BNC2: variants seen among roughly 807,000 people sequenced by gnomAD.
BNC2 encodes zinc finger protein basonuclin-2.
In BNC2, 20 loss-of-function variants were observed where a neutral mutation model predicts 76.3. That is an observed-to-expected ratio of 0.26 (90% CI 0.18 to 0.38). The LOEUF (loss-of-function observed/expected upper bound fraction) is 0.38. Ranked by LOEUF, BNC2 falls within the 10% of genes least tolerant of loss-of-function variation. The pLI is 1.00. For synonymous variants in BNC2, 582 were observed against 514.8 expected (o/e 1.13, Z -1.77); for missense variants, 1,382 against 1,399.8 (o/e 0.99, Z 0.20).
intron 1 of BNC2, among the ~76,000 whole-genome samples, chr9:16,751,803 T>C (rs1180631689): frequency 6.6e-6 from 1 of 151,724 alleles, no homozygotes; most frequent in African/African-American, 2.4e-5. Flanking sequence ...GCCGAGGCAG[T>C]TTTATCACTT....
intron 5 of BNC2, among the ~76,000 whole-genome samples, chr9:16,543,478 G>A (rs1266775944): frequency 4.6e-5 from 7 of 152,128 alleles, no homozygotes; most frequent in African/African-American, 1.7e-4. Context: ...AATGGAGACT[G>A]GCCAGTGAGC....
rs1199196816 is a variant in BNC2 at position 16,414,912 on chromosome 9, T to G, written c.*4077A>C. On this transcript the variant is annotated 3_prime_UTR_variant, in exon 7 of 7. Coordinates refer to ENST00000380672, the MANE Select transcript of BNC2 (RefSeq NM_017637.6). ...TCTGGAATAGCCCATTCTTGATATA[T>G]TCAAAGTTTTTTTTTTTTTTTTTTC... 1 of 146,940 alleles carries G rather than the reference T, an allele frequency of 6.8e-6. No homozygotes were observed. Among genetic ancestry groups the G allele is most frequent in the Non-Finnish European group, 1.5e-5 (1 of 67,866 alleles). 9.1% of individuals were successfully genotyped at this position (146,940 alleles called of 1,614,324 possible). A position where few individuals can be genotyped will look rare whatever the true frequency, so the allele number is the denominator to read the frequency against.
intron 5 of BNC2, among the ~76,000 whole-genome samples, chr9:16,533,058 T>A (rs1223944078): frequency 2.0e-5 from 3 of 152,236 alleles, no homozygotes; most frequent in African/African-American, 7.2e-5. Context: ...TATACACTCA[T>A]TTAAACTTTA....
At chr9:16,718,039 C>T (rs914026152) in intron 3 of BNC2, among the ~76,000 whole-genome samples, 2 of 152,338 alleles carry the variant, frequency 1.3e-5, no homozygotes, top group East Asian at 1.9e-4. Context: ...ATATTATACA[C>T]GCATGAATGT....
At chr9:16,505,827 A>G (rs1822611910) in intron 5 of BNC2, among the ~76,000 whole-genome samples, 1 of 152,140 alleles carries the variant, frequency 6.6e-6, no homozygotes, top group Non-Finnish European at 1.5e-5. Context: ...CCCAAGCAGA[A>G]CAAGTCAGTT....
At chr9:16,534,333 G>A (rs1672583844) in intron 5 of BNC2, among the ~76,000 whole-genome samples, 1 of 152,076 alleles carries the variant, frequency 6.6e-6, no homozygotes, top group African/African-American at 2.4e-5. Flanking sequence ...ACATCTAACT[G>A]TGCAACCTAA....
chr9:16,682,828 A>G (rs897013045), intron 3 of BNC2, among the ~76,000 whole-genome samples: 1 of 152,220 alleles, frequency 6.6e-6, no homozygotes, highest in African/African-American at 2.4e-5. Flanking sequence ...GCTAAATGTA[A>G]CAACTTAATA....
rs1820578859 is a variant in BNC2, at chr9:16,416,086, T to C, written c.*2903A>G. 1 of 152,224 alleles carries C rather than the reference T, an allele frequency of 6.6e-6. No homozygotes were observed. The allele number at this position is 152,224 out of a possible 1,614,324, so 9.4% of individuals were successfully genotyped here. On this transcript the variant is annotated 3_prime_UTR_variant, in exon 7 of 7. Coordinates refer to ENST00000380672, the MANE Select transcript of BNC2 (RefSeq NM_017637.6). Reference sequence around the variant, plus strand: ...TTTGTTCTAAGCCTGGTGCATTTGCTGATGTGACTGCCGACAGCTATGTAA... The same window carrying C: ...TTTGTTCTAAGCCTGGTGCATTTGCCGATGTGACTGCCGACAGCTATGTAA...
rs992807994 is a variant in BNC2 at position 16,738,604 on chromosome 9, T to A, written c.4-119A>T. On this transcript the variant is annotated intron_variant, in intron 1 of 6. Coordinates refer to ENST00000380672, the MANE Select transcript of BNC2 (RefSeq NM_017637.6). The stretch of plus-strand genomic sequence containing the variant: ...ACACACCAATGACCAACTAAACACA[T>A]TTTTTAAGAGTTAATAGTTTCTAAG... 4 of 1,141,834 alleles carry A rather than the reference T, an allele frequency of 3.5e-6. No homozygotes were observed. The East Asian group carries it at 7.8e-5, about 22-fold the overall frequency. The allele number at this position is 1,141,834 out of a possible 1,614,324, so 70.7% of individuals were successfully genotyped here.
chr9:16,512,522 CA>C (rs1180181904), intron 5 of BNC2, among the ~76,000 whole-genome samples: 1 of 151,966 alleles, frequency 6.6e-6, no homozygotes, highest in Admixed American at 6.6e-5. Flanking sequence ...AACCTGAGCA[CA>C]ATGTAATTAA....
intron 5 of BNC2, among the ~76,000 whole-genome samples, chr9:16,454,337 C>T (rs1326229661): frequency 8.0e-6 from 1 of 124,342 alleles, no homozygotes; most frequent in Non-Finnish European, 1.6e-5. Context: ...GGGTCTCACT[C>T]TGTTGCCCAG....
intron 5 of BNC2, among the ~76,000 whole-genome samples, chr9:16,523,836 G>C (rs1817705277): frequency 6.6e-6 from 1 of 152,148 alleles, no homozygotes; most frequent in African/African-American, 2.4e-5. Flanking sequence ...TGAGGCAGGA[G>C]AATCGCTTGA....
intron 3 of BNC2, among the ~76,000 whole-genome samples, chr9:16,695,153 C>A (rs529678986): frequency 6.6e-6 from 1 of 152,184 alleles, no homozygotes; most frequent in African/African-American, 2.4e-5. Context: ...TAGTGGACAA[C>A]AGAATGCTTT....
intron 1 of BNC2, among the ~76,000 whole-genome samples, chr9:16,763,880 A>G (rs943532864): frequency 1.3e-5 from 2 of 152,178 alleles, no homozygotes; most frequent in African/African-American, 4.8e-5. Flanking sequence ...AAAACTACAG[A>G]GCTATATATG....
In BNC2 at chr9:16,437,004, G is replaced by A. The variant is rs1395039244; in HGVS notation, c.1190C>T (p.Thr397Ile). The change falls in exon 6 of 7, where the codon ACC (threonine) becomes ATC (isoleucine). Residue 397 changes from threonine to isoleucine, a missense_variant. Physicochemically the swap from Thr to Ile is moderately conservative, Grantham distance 89 (BLOSUM62 -1). Coordinates refer to ENST00000380672, the MANE Select transcript of BNC2 (RefSeq NM_017637.6). ...AATGGGAGAGACACAGGCTGGCTCG[G>A]TTTTGGGCTCCACATTAGTAATGCT... is the stretch of plus-strand genomic sequence containing the variant. Reference protein sequence around the residue: ...LTSITNVEPKTEPACVSPIQN... With the variant: ...LTSITNVEPKIEPACVSPIQN... 22 of 1,614,026 alleles carry A rather than the reference G, an allele frequency of 1.4e-5. No individual in the cohort carries two copies. The highest frequency in any genetic ancestry group is 2.2e-5 in the East Asian group (1 of 44,890).
At chr9:16,489,126 A>C (rs371083140) in intron 5 of BNC2, among the ~76,000 whole-genome samples, 47 of 152,352 alleles carry the variant, frequency 3.1e-4, no homozygotes, top group African/African-American at 1.0e-3. Context: ...ACTTTTAATA[A>C]TGTGTCTTAC....
chr9:16,646,824 C>T (rs1821641770), intron 3 of BNC2, among the ~76,000 whole-genome samples: 1 of 152,016 alleles, frequency 6.6e-6, no homozygotes, highest in African/African-American at 2.4e-5. Context: ...AAGAAAAGGT[C>T]ACAAAGGGTA....
At chr9:16,682,417 C>T (rs978859517) in intron 3 of BNC2, among the ~76,000 whole-genome samples, 1 of 151,766 alleles carries the variant, frequency 6.6e-6, no homozygotes, top group Admixed American at 6.6e-5. Context: ...TCCGTGATTC[C>T]AGAAGTGAAT....
chr9:16,775,930 G>A (rs1825953760), intron 1 of BNC2: 1 of 152,170 alleles, frequency 6.6e-6, no homozygotes, highest in Admixed American at 6.5e-5. Context: ...ATCCTGCAAT[G>A]TACAGCGGCG....
Sources: gnomAD v4.1 joint callset for allele counts (sites outside exome capture counted in the v4.1 genomes callset) on GRCh38, gnomAD v4.1.1 for gene constraint, MANE v1.5 for transcripts, NCBI Gene and HGNC (gene_info 2026-07-23, HGNC 2026-07-21) for gene names.